The following EVC variants were observed in gnomAD, a reference collection of about 807,000 sequenced individuals.
EVC encodes EvC ciliary complex subunit 1.
Under a neutral mutation model 118.9 loss-of-function variants are expected in EVC, and 116 were observed. The observed-to-expected ratio is 0.98, with a 90% CI of 0.84 to 1.14. The LOEUF (loss-of-function observed/expected upper bound fraction) is 1.14. Among genes scored for constraint, EVC ranks in the 50% most tolerant of loss-of-function variants. The probability of loss-of-function intolerance (pLI) is 0.00; values close to 1 mark genes in which losing one functional copy is unlikely to be tolerated. For missense variants in EVC, 1,401 were observed against 1,246.4 expected (o/e 1.12, Z -1.87); for synonymous variants, 619 against 534.7 (o/e 1.16, Z -2.18).
intron 11 of EVC, among the ~76,000 whole-genome samples, chr4:5,768,693 C>A (rs1398940771): frequency 1.3e-5 from 2 of 151,828 alleles, no homozygotes. Flanking sequence ...CTCATCTCTA[C>A]TAAAAATACA....
At chr4:5,790,462 G>T (rs1283243946) in intron 12 of EVC, among the ~76,000 whole-genome samples, 1 of 152,178 alleles carries the variant, frequency 6.6e-6, no homozygotes, top group Non-Finnish European at 1.5e-5. Context: ...CAGGATGCCA[G>T]AGGTACAGCC....
chr4:5,745,095 A>G, intron 6 of EVC, 109 bp from the exon 7 acceptor site: 1 of 1,157,598 alleles, frequency 8.6e-7, no homozygotes, highest in Non-Finnish European at 1.2e-6. Context: ...CTATTGTTTA[A>G]AAATATTTTG....
intron 5 of EVC, among the ~76,000 whole-genome samples, chr4:5,736,059 C>T (rs1350969065): frequency 1.3e-5 from 2 of 152,090 alleles, no homozygotes; most frequent in African/African-American, 2.4e-5. Context: ...CTGGCTGGCC[C>T]TGAGGAGGAA....
In EVC at chr4:5,802,438, A is replaced by G. The variant is rs115206566; in HGVS notation, c.2449+344A>G. Among the ~76,000 whole-genome samples the G allele has an allele frequency of 8.9e-3, 1,349 of 152,306 alleles. 8 individuals are homozygous for G. The highest frequency in any genetic ancestry group is 0.02 in the Middle Eastern group (6 of 294). On this transcript the variant is annotated intron_variant, in intron 16 of 20. Coordinates refer to ENST00000264956, the MANE Select transcript of EVC (RefSeq NM_153717.3). ...TGGTTTCATGGAAGACTATTTTTCC[A>G]CAGACCAGGGTGAGAGGGAAATGGT...
At chr4:5,748,775 TC>T (rs1560331758) in intron 8 of EVC, among the ~76,000 whole-genome samples, 1 of 72,916 alleles carries the variant, frequency 1.4e-5, no homozygotes, top group East Asian at 4.6e-4. Flanking sequence ...CATCCATCCA[TC>T]CACCCATCCA....
chr4:5,791,370 G>A (rs1712755194), intron 12 of EVC, among the ~76,000 whole-genome samples: 1 of 152,098 alleles, frequency 6.6e-6, no homozygotes, highest in South Asian at 2.1e-4. Flanking sequence ...GAGAACAGAG[G>A]GAGTGAGAGG....
chr4:5,781,779 G>A (rs1232915100), intron 11 of EVC, among the ~76,000 whole-genome samples: 1 of 152,150 alleles, frequency 6.6e-6, no homozygotes, highest in Non-Finnish European at 1.5e-5. Flanking sequence ...AGTCGAGGGT[G>A]TGATCACGCC....
the EVC span, among the ~76,000 whole-genome samples, chr4:5,827,390 A>T: frequency 1.4e-4 from 21 of 152,286 alleles, no homozygotes; most frequent in East Asian, 1.9e-3. Flanking sequence ...AGTGCAAAGC[A>T]TCTGTGCGAC....
Position 5,749,600 on chromosome 4 carries a change from A to G in EVC, c.1098+1294A>G, listed in dbSNP as rs1012586785. Among the ~76,000 whole-genome samples, 3 of 151,980 alleles carry G rather than the reference A, an allele frequency of 2.0e-5. No individual in the cohort carries two copies. Among genetic ancestry groups the G allele is most frequent in the Admixed American group, 2.0e-4 (3 of 15,264 alleles). On this transcript the variant is annotated intron_variant, in intron 8 of 20. Transcript: ENST00000264956. This position sits in a 1 kb window ranked among gnomAD's most constrained non-coding sequence, Gnocchi z 4.4. Reference sequence around the variant, plus strand: ...ACAGGGCCTGGCTAGATGCTGAGTGACTCCTAACACCCCAGTCACCATTGG... The same window carrying G: ...ACAGGGCCTGGCTAGATGCTGAGTGGCTCCTAACACCCCAGTCACCATTGG...
intron 11 of EVC, among the ~76,000 whole-genome samples, chr4:5,771,910 T>TATA (rs1220567923): frequency 1.3e-5 from 2 of 152,050 alleles, no homozygotes; most frequent in East Asian, 1.9e-4. Flanking sequence ...TTATTATTAT[T>TATA]ATTATTTTGA....
intron 11 of EVC, among the ~76,000 whole-genome samples, chr4:5,759,384 T>C (rs1488523206): frequency 1.3e-5 from 2 of 152,154 alleles, no homozygotes; most frequent in East Asian, 3.9e-4. Context: ...GCCTTACGTG[T>C]GGGCTGTGGA....
rs1012247510 is a variant in EVC at position 5,799,966 on chromosome 4, G to A, written c.2304+1174G>A. 1.4e-4 allele frequency among the ~76,000 whole-genome samples: 21 copies of A among 152,314 alleles called. No homozygotes were observed. In the East Asian group the frequency reaches 3.3e-3, roughly 24 times the overall value. The stretch of plus-strand genomic sequence containing the variant: ...AAATGGAGTAAGATAGAAGGGTGTC[G>A]TATTTTGTCCTCAGCTTTCCAGAGG... On this transcript the variant is annotated intron_variant, in intron 15 of 20. Transcript: ENST00000264956.
At position 5,741,730 on chromosome 4, in the gene EVC, T is replaced by A. The variant is rs372312182; in HGVS notation, c.717T>A (p.Ile239=). 38 of 1,566,406 alleles carry A rather than the reference T, an allele frequency of 2.4e-5. No homozygotes were observed. The East Asian group carries it at 3.6e-4, about 15-fold the overall frequency. ...CTTGGCAATAGATGTTTATTCAGAT[T>A]TTTAAAATGTGCCTCCTTGACCTTC... ...RQEKHMMFIQ[I]FKMCLLDLLP... Residue 239 remains isoleucine (I), a synonymous_variant, in exon 6 of 21, where the codon ATT becomes ATA. Transcript: ENST00000264956.
At chr4:5,828,857 G>A in the EVC span, among the ~76,000 whole-genome samples, 100 of 151,984 alleles carry the variant, frequency 6.6e-4, no homozygotes, top group Non-Finnish European at 1.1e-3. Context: ...ACAACTCACC[G>A]TTGCGCATGT....
rs2152312314 is a variant in EVC, at chr4:5,789,332, A to C, written c.1777-4276A>C. Among the ~76,000 whole-genome samples, 1 of 151,770 alleles carries C rather than the reference A, an allele frequency of 6.6e-6. No homozygotes were observed. The highest frequency in any genetic ancestry group is 2.4e-5 in the African/African-American group (1 of 41,386). On this transcript the variant is annotated intron_variant, in intron 12 of 20. Transcript: ENST00000264956. The surrounding 1 kb of genome is among the most constrained non-coding windows in gnomAD (Gnocchi z 4.3). The stretch of plus-strand genomic sequence containing the variant: ...GCCCCCAGCCCCAGTGGTTCCTTGC[A>C]CTCCTCTGGCTTTCTGGGCACGTTC...
chr4:5,770,695 C>T (rs773529550), intron 11 of EVC, among the ~76,000 whole-genome samples: 1 of 152,166 alleles, frequency 6.6e-6, no homozygotes, highest in East Asian at 1.9e-4. Flanking sequence ...GATGAATACA[C>T]AAATCAGTCA....
At chr4:5,822,978 C>T in the EVC span, among the ~76,000 whole-genome samples, 9 of 152,248 alleles carry the variant, frequency 5.9e-5, no homozygotes, top group Non-Finnish European at 2.9e-5. Flanking sequence ...GACCTACCCA[C>T]TGTACCCTTT....
chr4:5,781,234 T>C lies in EVC; in HGVS notation c.1564-2318T>C, dbSNP rs548441733. Among the ~76,000 whole-genome samples the C allele has an allele frequency of 1.9e-4, 29 of 152,218 alleles. 1 individual carries two copies. The South Asian group carries it at 4.6e-3, about 24-fold the overall frequency. The stretch of plus-strand genomic sequence containing the variant: ...GGGAATGTGGGTGCTCTAGTTGTGT[T>C]GGGGCATGGCTTATTCAGGGACTGC... On this transcript the variant is annotated intron_variant, in intron 11 of 20. Transcript: ENST00000264956.
chr4:5,739,786 C>G (rs1183364314), intron 5 of EVC, among the ~76,000 whole-genome samples: 1 of 151,386 alleles, frequency 6.6e-6, no homozygotes, highest in Non-Finnish European at 1.5e-5. Flanking sequence ...CCTTACCAGG[C>G]GGGATGCAGT....
Sources: gnomAD v4.1 joint callset for allele counts (sites outside exome capture counted in the v4.1 genomes callset) on GRCh38, gnomAD v4.1.1 for gene constraint, Gnocchi (gnomAD v3.1) non-coding constraint, MANE v1.5 for transcripts, NCBI Gene and HGNC (gene_info 2026-07-23, HGNC 2026-07-21) for gene names.